FRAS1: variants seen among roughly 807,000 people sequenced by gnomAD.
The protein encoded by FRAS1 is extracellular matrix organizing protein FRAS1.
Under a neutral mutation model 435.2 loss-of-function variants are expected in FRAS1, and 290 were observed. The observed-to-expected ratio is 0.67, with a 90% confidence interval of 0.61 to 0.73. The LOEUF is 0.73. Among genes scored for constraint, FRAS1 ranks in the 30% least tolerant of loss-of-function variants. The pLI, the probability that FRAS1 is intolerant of heterozygous loss-of-function variation, is 0.00. For missense variants in FRAS1, 4,860 were observed against 5,001.5 expected (o/e 0.97, Z 0.85); for synonymous variants, 1,800 against 1,851.0 (o/e 0.97, Z 0.71).
At chr4:78,435,611 C>G (rs115993677) in intron 38 of FRAS1, among the ~76,000 whole-genome samples, 3,973 of 152,016 alleles carry the variant, frequency 0.026, 174 homozygotes, top group African/African-American at 0.091. Context: ...TGGTGGTGTG[C>G]AACTATAATC....
At chr4:78,191,289 A>G (rs1245013049) in intron 2 of FRAS1, among the ~76,000 whole-genome samples, 1 of 152,164 alleles carries the variant, frequency 6.6e-6, no homozygotes, top group Non-Finnish European at 1.5e-5. Flanking sequence ...TTCACCTGTA[A>G]TTTAGGTGGA....
chr4:78,527,456 T>C (rs1721571765), intron 70 of FRAS1, among the ~76,000 whole-genome samples: 1 of 152,172 alleles, frequency 6.6e-6, no homozygotes, highest in Non-Finnish European at 1.5e-5. Flanking sequence ...CAGTTTATAG[T>C]CTAGGGTCAC....
intron 2 of FRAS1, among the ~76,000 whole-genome samples, chr4:78,122,591 CA>C (rs940824090): frequency 2.0e-5 from 3 of 152,212 alleles, no homozygotes; most frequent in Non-Finnish European, 2.9e-5. Flanking sequence ...ACACTCCCAC[CA>C]AGAGTGTAAA....
intron 20 of FRAS1, among the ~76,000 whole-genome samples, chr4:78,344,527 C>G (rs1193725093): frequency 6.9e-6 from 1 of 144,488 alleles, no homozygotes; most frequent in Non-Finnish European, 1.5e-5. Context: ...GAGTACTCAA[C>G]CATTTTGTAC....
intron 2 of FRAS1, among the ~76,000 whole-genome samples, chr4:78,099,944 C>T (rs1241477567): frequency 6.6e-6 from 1 of 151,994 alleles, no homozygotes; most frequent in African/African-American, 2.4e-5. Flanking sequence ...TTTCTGGAGG[C>T]CACAGGGGAA....
chr4:78,330,164 T>C (rs969616384), intron 18 of FRAS1, among the ~76,000 whole-genome samples: 1 of 152,226 alleles, frequency 6.6e-6, no homozygotes, highest in Admixed American at 6.5e-5. Flanking sequence ...AAATTAATAC[T>C]TTTGTAATTT....
chr4:78,436,278 A>C (rs1002692324), intron 38 of FRAS1, among the ~76,000 whole-genome samples: 29 of 152,220 alleles, frequency 1.9e-4, no homozygotes, highest in African/African-American at 6.5e-4. Context: ...CGCCTTCATT[A>C]GTGGTCAGGG....
chr4:78,173,058 G>A (rs1721624304), intron 2 of FRAS1, among the ~76,000 whole-genome samples: 1 of 152,212 alleles, frequency 6.6e-6, no homozygotes, highest in Non-Finnish European at 1.5e-5. Flanking sequence ...CAGCTCAGGT[G>A]TGCTCGAAAG....
intron 50 of FRAS1, among the ~76,000 whole-genome samples, chr4:78,468,498 CAT>C (rs1385120606): frequency 2.6e-5 from 4 of 152,050 alleles, no homozygotes; most frequent in Non-Finnish European, 5.9e-5. Flanking sequence ...TCATCATCAT[CAT>C]CATCATCATC....
chr4:78,237,089 A>G (rs1047038251), intron 2 of FRAS1, among the ~76,000 whole-genome samples: 29 of 152,092 alleles, frequency 1.9e-4, no homozygotes, highest in African/African-American at 5.6e-4. Flanking sequence ...TGTGGTGCTT[A>G]TAGTATCTAG....
chr4:78,089,453 C>A (rs1322369861), intron 2 of FRAS1, among the ~76,000 whole-genome samples: 1 of 151,876 alleles, frequency 6.6e-6, no homozygotes, highest in Non-Finnish European at 1.5e-5. Flanking sequence ...AAAAAAATAA[C>A]AGTATGTTAA....
chr4:78,214,913 G>C (rs1431699234), intron 2 of FRAS1, among the ~76,000 whole-genome samples: 1 of 152,144 alleles, frequency 6.6e-6, no homozygotes, highest in African/African-American at 2.4e-5. Context: ...CCTCCCAGTT[G>C]TTATGATCTA....
At chr4:78,503,809 G>T (rs1189221518) in intron 61 of FRAS1, among the ~76,000 whole-genome samples, 1 of 152,024 alleles carries the variant, frequency 6.6e-6, no homozygotes, top group African/African-American at 2.4e-5. Context: ...GTGATGTTAG[G>T]GTGTCAATTT....
chr4:78,124,200 C>G (rs1334338250), intron 2 of FRAS1, among the ~76,000 whole-genome samples: 3 of 152,176 alleles, frequency 2.0e-5, no homozygotes. Flanking sequence ...TGAATTTTGT[C>G]AAAGGCCTTT....
chr4:78,541,134 C>A lies in FRAS1; in HGVS notation c.*10C>A, dbSNP rs1429834795. 3 of 1,316,204 alleles carry A rather than the reference C, an allele frequency of 2.3e-6. No individual in the cohort carries two copies. Among genetic ancestry groups the A allele is most frequent in the South Asian group, 2.8e-5 (1 of 35,798 alleles). 81.5% of individuals were successfully genotyped at this position (1,316,204 alleles called of 1,614,324 possible). On this transcript the variant is annotated 3_prime_UTR_variant, in exon 74 of 74. Transcript: ENST00000512123. ...TGGAACAGAAGTTTAATGGAGGAGA[C>A]CTATGTGTATTTTTTTCTAAAATCA...
chr4:78,072,483 A>G (rs1245115325), intron 2 of FRAS1, among the ~76,000 whole-genome samples: 1 of 152,178 alleles, frequency 6.6e-6, no homozygotes, highest in African/African-American at 2.4e-5. Flanking sequence ...ATCACCACAA[A>G]CAATTAGTGA....
chr4:78,369,555 G>A (rs761583105), intron 22 of FRAS1, among the ~76,000 whole-genome samples: 1 of 152,218 alleles, frequency 6.6e-6, no homozygotes, highest in Non-Finnish European at 1.5e-5. Context: ...GGATCTTAGA[G>A]TAAGCATAAA....
intron 25 of FRAS1, among the ~76,000 whole-genome samples, chr4:78,375,399 C>T (rs540799773): frequency 3.9e-5 from 6 of 152,188 alleles, no homozygotes; most frequent in Non-Finnish European, 8.8e-5. Context: ...AGAACTTGCC[C>T]AAGGTCAACA....
intron 71 of FRAS1, among the ~76,000 whole-genome samples, chr4:78,536,676 C>G (rs1388691687): frequency 6.6e-6 from 1 of 152,154 alleles, no homozygotes; most frequent in African/African-American, 2.4e-5. Context: ...TTTCCATCCT[C>G]TCAACTGCAT....
Sources: allele counts gnomAD v4.1 joint callset (sites outside exome capture counted in the v4.1 genomes callset), GRCh38; gene constraint gnomAD v4.1.1; transcripts MANE v1.5; gene names NCBI Gene and HGNC (gene_info 2026-07-23, HGNC 2026-07-21).